YES1: variants seen among roughly 807,000 people sequenced by gnomAD.
YES1 encodes YES proto-oncogene 1, Src family tyrosine kinase.
Under a neutral mutation model 70.4 loss-of-function variants are expected in YES1, and 39 were observed. The ratio of observed to expected loss-of-function variants is 0.55; its 90% confidence interval spans 0.43 to 0.72. YES1 has a LOEUF of 0.72. Ranked by LOEUF, YES1 falls within the 30% of genes least tolerant of loss-of-function variation. YES1 has a pLI of 0.00. For synonymous variants in YES1, 198 were observed against 218.6 expected, an observed-to-expected ratio of 0.91 and a Z score of 0.83; for missense variants, 495 against 644.8, an observed-to-expected ratio of 0.77 and a Z score of 2.52.
intron 10 of YES1, among the ~76,000 whole-genome samples, chr18:734,396 T>C (rs1380066691): frequency 7.1e-6 from 1 of 140,200 alleles, no homozygotes; most frequent in South Asian, 2.2e-4. Context: ...CTACTAAAAA[T>C]ACAAAAAAAA....
intron 10 of YES1, chr18:735,910 C>T (rs1451469838): frequency 6.6e-6 from 1 of 152,362 alleles, no homozygotes; most frequent in African/African-American, 2.4e-5. Flanking sequence ...GTGTCTCACG[C>T]CTGCCATTTT....
intron 1 of YES1, among the ~76,000 whole-genome samples, chr18:775,707 G>C: frequency 6.6e-6 from 1 of 152,100 alleles, no homozygotes. Flanking sequence ...TGAGGTTGGA[G>C]GATCGCTTGA....
intron 1 of YES1, among the ~76,000 whole-genome samples, chr18:809,243 TA>T (rs774977871): frequency 7.9e-5 from 12 of 152,188 alleles, no homozygotes; most frequent in Non-Finnish European, 1.6e-4. Context: ...GAAAACGAAC[TA>T]GAACTTTATT....
chr18:745,666 G>C (rs1056689144), intron 6 of YES1, 42 bp downstream of exon 6: 13 of 1,551,880 alleles, frequency 8.4e-6, no homozygotes, highest in Non-Finnish European at 1.0e-5. Flanking sequence ...TCATAAACTA[G>C]AATATGAAGA....
chr18:766,133 G>C (rs188291174), intron 1 of YES1, among the ~76,000 whole-genome samples: 1 of 152,124 alleles, frequency 6.6e-6, no homozygotes, highest in Admixed American at 6.5e-5. Context: ...TCCTTCTTAC[G>C]TTTGCCAAGT....
At chr18:791,936 G>A (rs1435009372) in intron 1 of YES1, among the ~76,000 whole-genome samples, 2 of 151,968 alleles carry the variant, frequency 1.3e-5, no homozygotes, top group Admixed American at 6.6e-5. Context: ...GCACCTGTGA[G>A]CCCAGCTACT....
At chr18:742,850 T>C (rs2080231056) in intron 8 of YES1, 68 bp downstream of exon 8, 1 of 1,301,302 alleles carries the variant, frequency 7.7e-7, no homozygotes, top group Admixed American at 2.7e-5. Flanking sequence ...TATAAGTCTA[T>C]ATGCATACAA....
rs373124143 is a variant in YES1, at chr18:811,366, T to G, written c.-9+748A>C. Reference sequence around the variant, plus strand: ...ATTACAAAACAAAAACTAAAGTCCCTACACCAGACTTGATTTTCAAAGAGC... The same window carrying G: ...ATTACAAAACAAAAACTAAAGTCCCGACACCAGACTTGATTTTCAAAGAGC... On this transcript the variant is annotated intron_variant, in intron 1 of 11. Coordinates refer to ENST00000314574, the MANE Select transcript of YES1 (RefSeq NM_005433.4). Among the ~76,000 whole-genome samples, 18 of 152,292 alleles carry G rather than the reference T, an allele frequency of 1.2e-4. No individual in the cohort carries two copies. In the East Asian group the frequency reaches 1.5e-3, roughly 13 times the overall value.
In YES1 at chr18:754,288, T is replaced by G. The variant is rs528666059; in HGVS notation, c.271+2269A>C. 5.3e-5 allele frequency among the ~76,000 whole-genome samples: 8 copies of G among 152,332 alleles called. No homozygotes were observed. The South Asian group carries it at 1.7e-3, about 32-fold the overall frequency. On this transcript the variant is annotated intron_variant, in intron 2 of 11. Coordinates refer to ENST00000314574, the MANE Select transcript of YES1 (RefSeq NM_005433.4). ...CAATTCTCCCCTCTGTTTATACTAGTCTCCACACTAATACTCAAAACTTCC... is the reference window on the plus strand; with the variant it reads ...CAATTCTCCCCTCTGTTTATACTAGGCTCCACACTAATACTCAAAACTTCC...
At chr18:735,347 C>G (rs138850311) in intron 10 of YES1, among the ~76,000 whole-genome samples, 28 of 152,112 alleles carry the variant, frequency 1.8e-4, no homozygotes, top group African/African-American at 5.8e-4. Flanking sequence ...ATGTCTTTTG[C>G]AGAAACTTAG....
intron 1 of YES1, among the ~76,000 whole-genome samples, chr18:769,940 A>C (rs1905080120): frequency 6.6e-6 from 1 of 150,490 alleles, no homozygotes; most frequent in African/African-American, 2.5e-5. Flanking sequence ...TGAATTGGGA[A>C]GTATTCTCTT....
chr18:791,113 G>A (rs924036730), intron 1 of YES1, among the ~76,000 whole-genome samples: 2 of 151,680 alleles, frequency 1.3e-5, no homozygotes, highest in African/African-American at 4.8e-5. Context: ...AGCCGGGCGT[G>A]GTGGTGCGCG....
At chr18:744,398 T>C (rs2080253506) in intron 6 of YES1, among the ~76,000 whole-genome samples, 2 of 151,366 alleles carry the variant, frequency 1.3e-5, no homozygotes, top group Admixed American at 6.6e-5. Context: ...TTTTTTCTTT[T>C]TTTTTTTTTG....
intron 2 of YES1, among the ~76,000 whole-genome samples, chr18:753,642 C>T (rs769035840): frequency 1.2e-4 from 18 of 152,162 alleles, no homozygotes; most frequent in East Asian, 3.9e-4. Flanking sequence ...TGCACCTCCA[C>T]GCCCAGCTAA....
At position 751,739 on chromosome 18, in the gene YES1, T is replaced by G. The variant is rs117449313; in HGVS notation, c.337A>C (p.Lys113Gln). ...EARTTEDLSF[K>Q]KGERFQIINN... is the part of the protein sequence containing the mutation. ...ATTATTTGAAATCTTTCACCCTTCT[T>G]AAATGAAAGGTCTTCTGTAGTTCTA... Residue 113 changes from lysine (K) to glutamine (Q), a missense_variant, in exon 3 of 12, where the codon AAG becomes CAG. This residue lies in a region of YES1 where 385 missense variants were observed against 540.9 expected (regional missense o/e 0.71). Coordinates refer to ENST00000314574, the MANE Select transcript of YES1 (RefSeq NM_005433.4). 10,157 of 1,601,440 alleles carry G rather than the reference T, an allele frequency of 6.3e-3. 53 individuals carry two copies. The highest frequency in any genetic ancestry group is 6.9e-3 in the Non-Finnish European group (8,085 of 1,169,648).
chr18:783,409 AC>A (rs1905775912), intron 1 of YES1, among the ~76,000 whole-genome samples: 1 of 152,042 alleles, frequency 6.6e-6, no homozygotes, highest in Non-Finnish European at 1.5e-5. Flanking sequence ...ACACACACAC[AC>A]ACGGAAAAAA....
intron 2 of YES1, among the ~76,000 whole-genome samples, chr18:752,328 T>G: frequency 6.6e-6 from 1 of 152,314 alleles, no homozygotes; most frequent in Middle Eastern, 3.4e-3. Context: ...CAGGTTGGTT[T>G]TGAACTCCTG....
intron 6 of YES1, among the ~76,000 whole-genome samples, chr18:744,220 G>C (rs1016246765): frequency 3.3e-5 from 5 of 151,854 alleles, no homozygotes; most frequent in African/African-American, 9.6e-5. Flanking sequence ...GGTAGAGATG[G>C]GATTCAAATC....
chr18:778,969 C>T (rs1029187147), intron 1 of YES1, among the ~76,000 whole-genome samples: 9 of 152,092 alleles, frequency 5.9e-5, no homozygotes, highest in Non-Finnish European at 1.2e-4. Context: ...AATTTTTTAC[C>T]ATCTTTTTCT....
Sources: allele counts gnomAD v4.1 joint callset (sites outside exome capture counted in the v4.1 genomes callset), GRCh38; gene constraint gnomAD v4.1.1; regional missense constraint gnomAD v4.1.1; transcripts MANE v1.5; gene names NCBI Gene and HGNC (gene_info 2026-07-23, HGNC 2026-07-21).